MYH2: variants seen among roughly 807,000 people sequenced by gnomAD.
The protein encoded by MYH2 is myosin-2.
In MYH2, 139 loss-of-function variants were observed where a neutral mutation model predicts 228.1. That is an observed-to-expected ratio of 0.61 (90% CI 0.53 to 0.70). The LOEUF (loss-of-function observed/expected upper bound fraction) is 0.70, where lower values mean the gene tolerates loss of function less well. Ranked by LOEUF, MYH2 falls within the 30% of genes least tolerant of loss-of-function variation. MYH2 has a pLI of 0.00. For missense variants in MYH2, 1,809 were observed against 2,357.5 expected (o/e 0.77, Z 4.82); for synonymous variants, 796 against 871.1 (o/e 0.91, Z 1.52).
intron 19 of MYH2, 93 bp from the exon 20 acceptor site, chr17:10,533,725 T>TA: frequency 2.0e-6 from 3 of 1,474,328 alleles, no homozygotes; most frequent in Non-Finnish European, 2.8e-6. Context: ...AGCAGAGCTT[T>TA]AAAAAAATAT....
chr17:10,539,305 A>G lies in MYH2; in HGVS notation c.1316T>C (p.Phe439Ser). 6.2e-7 allele frequency: 1 copy of G among 1,614,234 alleles called. No homozygotes were observed. The highest frequency in any genetic ancestry group is 2.2e-5 in the East Asian group (1 of 44,886). Reference protein sequence around the residue: ...ALAKAVYEKMFLWMVARINQQ... With the variant: ...ALAKAVYEKMSLWMVARINQQ... The stretch of plus-strand genomic sequence containing the variant: ...GTTGATGCGGGCAACCATCCACAGG[A>G]ACATCTTCTCGTAGACGGCTTTGGC... Residue 439 changes from phenylalanine (F) to serine (S), a missense_variant, in exon 14 of 40, where the codon TTC becomes TCC. Phe to Ser is a radical substitution (Grantham distance 155). This residue lies in a region of MYH2 where 373 missense variants were observed against 620.4 expected (regional missense o/e 0.60). Coordinates refer to ENST00000245503, the MANE Select transcript of MYH2 (RefSeq NM_017534.6).
chr17:10,539,486 C>T lies in MYH2; in HGVS notation c.1224G>A (p.Lys408=). The stretch of plus-strand genomic sequence containing the variant: ...CTTTGGTGACATACTCATTGCCGAC[C>T]TTGACCCTGGGGTAGCAGAGAGCTT... The part of the protein sequence containing the change: ...LLKALCYPRV[K]VGNEYVTKGQ... The change falls in exon 13 of 40, where the codon AAG becomes AAA. Residue 408 remains lysine, a synonymous_variant. Coordinates refer to ENST00000245503, the MANE Select transcript of MYH2 (RefSeq NM_017534.6). 1.2e-6 allele frequency: 2 copies of T among 1,614,176 alleles called. No individual in the cohort carries two copies. The highest frequency in any genetic ancestry group is 8.5e-7 in the Non-Finnish European group (1 of 1,180,040).
At chr17:10,542,494 A>T (rs2073569326) in intron 10 of MYH2, among the ~76,000 whole-genome samples, 1 of 152,234 alleles carries the variant, frequency 6.6e-6, no homozygotes, top group African/African-American at 2.4e-5. Context: ...GTGACATGGA[A>T]AAAGCTATGA....
At chr17:10,540,472 G>C in intron 11 of MYH2, 122 bp downstream of exon 11, 1 of 841,198 alleles carries the variant, frequency 1.2e-6, no homozygotes, top group East Asian at 2.7e-5. Context: ...TGACTCCAAG[G>C]GGCATGTCCA....
At position 10,529,184 on chromosome 17, in the gene MYH2, T is replaced by C. The variant is rs1567729940; in HGVS notation, c.3332A>G (p.Gln1111Arg). 2 of 1,614,238 alleles carry C rather than the reference T, an allele frequency of 1.2e-6. No individual in the cohort carries two copies. The highest frequency in any genetic ancestry group is 1.6e-4 in the Middle Eastern group (1 of 6,062). Residue 1111 changes from glutamine to arginine, a missense_variant, in exon 26 of 40, where the codon CAG becomes CGG. By Grantham distance (43) the Gln-to-Arg change is conservative. Around this residue, in one of 9 missense-constraint regions of MYH2, gnomAD observed 636 missense variants for 729.9 expected, o/e 0.87. Transcript: ENST00000245503. ...EDEQALGIQL[Q>R]KKIKELQARI... ...TACTTGCAATTCTTTAATTTTCTTC[T>C]GCAATTGAATGCCAAGTGCCTGTTC... is the stretch of plus-strand genomic sequence containing the variant.
At chr17:10,526,558 T>C (rs1325170468) in intron 30 of MYH2, 41 bp downstream of exon 30, 1 of 1,612,702 alleles carries the variant, frequency 6.2e-7, no homozygotes, top group Non-Finnish European at 8.5e-7. Context: ...TGATTCAATA[T>C]GCAAAGTTTT....
chr17:10,523,683 T>C lies in MYH2; in HGVS notation c.5302-17A>G, dbSNP rs773587129. ...CATGGCGGCCTAAATAGCAAATAAA[T>C]CAAGAAAACCAAGAAAGTTATAGAT... On this transcript the variant is annotated splice_polypyrimidine_tract_variant and intron_variant, in intron 36 of 39. Coordinates refer to ENST00000245503, the MANE Select transcript of MYH2 (RefSeq NM_017534.6). 2 of 1,614,204 alleles carry C rather than the reference T, an allele frequency of 1.2e-6. No homozygotes were observed. The highest frequency in any genetic ancestry group is 2.2e-5 in the South Asian group (2 of 91,072).
rs148584222 is a variant in MYH2 at position 10,540,597 on chromosome 17, T to C, written c.1005A>G (p.Thr335=). ...AATTTTCTTGTGTTCTACTTACATC[T>C]GTGGCCATCAGTTCTTCCTGATCAT... The part of the protein sequence containing the change: ...SIDDQEELMA[T]DSAIDILGFT... The change falls in exon 11 of 40, where the codon ACA becomes ACG. Residue 335 remains threonine, a synonymous_variant. Transcript: ENST00000245503. The C allele has an allele frequency of 1.0e-4, 160 of 1,604,970 alleles. No homozygotes were observed. The highest frequency in any genetic ancestry group is 1.3e-4 in the Non-Finnish European group (150 of 1,171,740).
chr17:10,525,427 T>C lies in MYH2; in HGVS notation c.4537+24A>G, dbSNP rs763614025. ...GAGAGATTCTTCCAAGTTATGAATA[T>C]TATTGAATATGATAGGGACTTACGC... On this transcript the variant is annotated intron_variant, in intron 32 of 39. Coordinates refer to ENST00000245503, the MANE Select transcript of MYH2 (RefSeq NM_017534.6). This position sits in a 1 kb window ranked among gnomAD's most constrained non-coding sequence, Gnocchi z 4.2. 1 of 1,614,128 alleles carries C rather than the reference T, an allele frequency of 6.2e-7. No homozygotes were observed. The highest frequency in any genetic ancestry group is 8.5e-7 in the Non-Finnish European group (1 of 1,179,986).
In MYH2 at chr17:10,523,751, C is replaced by A. The variant is rs763033844; in HGVS notation, c.5301+8G>T. Reference sequence around the variant, plus strand: ...CTAAATCAGTGGACAAGTGTGCCTGCCACTCACATCAGTGATGGCCTTCTT... The same window carrying A: ...CTAAATCAGTGGACAAGTGTGCCTGACACTCACATCAGTGATGGCCTTCTT... On this transcript the variant is annotated splice_region_variant and intron_variant, in intron 36 of 39. Transcript: ENST00000245503. 1 of 1,614,220 alleles carries A rather than the reference C, an allele frequency of 6.2e-7. No individual in the cohort carries two copies. The highest frequency in any genetic ancestry group is 8.5e-7 in the Non-Finnish European group (1 of 1,180,038).
chr17:10,528,188 C>A (rs182200996), intron 27 of MYH2, among the ~76,000 whole-genome samples: 2 of 151,822 alleles, frequency 1.3e-5, no homozygotes, highest in East Asian at 3.9e-4. Context: ...GGACTGCAGG[C>A]GCGCGCCACC....
Position 10,547,525 on chromosome 17 carries a change from G to C in MYH2, c.298C>G (p.Pro100Ala), listed in dbSNP as rs547953227. The C allele has an allele frequency of 7.4e-6, 12 of 1,614,000 alleles. No individual in the cohort carries two copies. Among genetic ancestry groups the C allele is most frequent in the Non-Finnish European group, 1.0e-5 (12 of 1,180,010 alleles). Reference protein sequence around the residue: ...DMAMMTHLHEPAVLYNLKERY... With the variant: ...DMAMMTHLHEAAVLYNLKERY... ...TCTTTGAGGTTGTACAGCACAGCAG[G>C]CTCATGCAGATGAGTCATCATGGCC... Residue 100 changes from proline to alanine, a missense_variant, in exon 4 of 40, where the codon CCT becomes GCT. Physicochemically the swap from Pro to Ala is conservative, Grantham distance 27. Around this residue, in one of 9 missense-constraint regions of MYH2, gnomAD observed 373 missense variants for 620.4 expected, o/e 0.60. Coordinates refer to ENST00000245503, the MANE Select transcript of MYH2 (RefSeq NM_017534.6).
In MYH2 at chr17:10,525,170, A is replaced by C. The variant is rs1174250014; in HGVS notation, c.4662+54T>G. 4 of 1,613,692 alleles carry C rather than the reference A, an allele frequency of 2.5e-6. No individual in the cohort carries two copies. The highest frequency in any genetic ancestry group is 1.7e-5 in the Admixed American group (1 of 59,986). On this transcript the variant is annotated intron_variant, in intron 33 of 39. Coordinates refer to ENST00000245503, the MANE Select transcript of MYH2 (RefSeq NM_017534.6). This position sits in a 1 kb window ranked among gnomAD's most constrained non-coding sequence, Gnocchi z 4.2. ...ATGTGTCTTTTTATTCACTCTATGC[A>C]GATGTACCTAATTATTTTCCAGATT...
chr17:10,529,709 A>C lies in MYH2; in HGVS notation c.2972T>G (p.Leu991Arg). The change falls in exon 24 of 40, where the codon CTG becomes CGG. Residue 991 changes from leucine (L) to arginine (R), a missense_variant. Leu to Arg is a moderately radical substitution (Grantham distance 102). Coordinates refer to ENST00000245503, the MANE Select transcript of MYH2 (RefSeq NM_017534.6). The stretch of plus-strand genomic sequence containing the variant: ...GGTCAGCTTAGCAATGGTTTCATCC[A>C]GACCTGCCATCTCTTCTGTGAGGTT... ...VKNLTEEMAGLDETIAKLTKE... is the reference protein window; with the variant it reads ...VKNLTEEMAGRDETIAKLTKE... The C allele has an allele frequency of 6.2e-7, 1 of 1,614,044 alleles. No individual in the cohort carries two copies. Among genetic ancestry groups the C allele is most frequent in the Non-Finnish European group, 8.5e-7 (1 of 1,180,034 alleles).
intron 38 of MYH2, 28 bp downstream of exon 38, chr17:10,523,280 C>T (rs574750360): frequency 6.2e-7 from 1 of 1,612,790 alleles, no homozygotes; most frequent in Non-Finnish European, 8.5e-7. Flanking sequence ...TCGACCAGTG[C>T]TTAGCCGCTA....
At chr17:10,548,516 CA>C (rs2073662743) in intron 2 of MYH2, among the ~76,000 whole-genome samples, 1 of 152,152 alleles carries the variant, frequency 6.6e-6, no homozygotes, top group African/African-American at 2.4e-5. Context: ...TGTTGAAGTT[CA>C]GTGGCTTATT....
Position 10,524,255 on chromosome 17 carries a change from C to A in MYH2, c.5175+211G>T, listed in dbSNP as rs367999056. Reference sequence around the variant, plus strand: ...ATATTAACACAATAGAATACGGGGGCAGCCTTAGAATATTATATGAAGCAA... The same window carrying A: ...ATATTAACACAATAGAATACGGGGGAAGCCTTAGAATATTATATGAAGCAA... On this transcript the variant is annotated intron_variant, in intron 35 of 39. Transcript: ENST00000245503. This position sits in a 1 kb window ranked among gnomAD's most constrained non-coding sequence, Gnocchi z 4.7. Among the ~76,000 whole-genome samples, 1 of 152,248 alleles carries A rather than the reference C, an allele frequency of 6.6e-6. No individual in the cohort carries two copies. The highest frequency in any genetic ancestry group is 2.4e-5 in the African/African-American group (1 of 41,558).
In MYH2 at chr17:10,525,169, C is replaced by G; in HGVS notation, c.4662+55G>C. The G allele has an allele frequency of 6.2e-7, 1 of 1,613,782 alleles. No individual in the cohort carries two copies. On this transcript the variant is annotated intron_variant, in intron 33 of 39. Coordinates refer to ENST00000245503, the MANE Select transcript of MYH2 (RefSeq NM_017534.6). This position sits in a 1 kb window ranked among gnomAD's most constrained non-coding sequence, Gnocchi z 4.2. ...TATGTGTCTTTTTATTCACTCTATG[C>G]AGATGTACCTAATTATTTTCCAGAT...
chr17:10,539,869 C>T, intron 12 of MYH2, 59 bp downstream of exon 12: 1 of 1,609,822 alleles, frequency 6.2e-7, no homozygotes, highest in Non-Finnish European at 8.5e-7. Flanking sequence ...TCCTGGGTAA[C>T]AAGTTAAGAA....
Sources: allele counts gnomAD v4.1 joint callset (sites outside exome capture counted in the v4.1 genomes callset), GRCh38; gene constraint gnomAD v4.1.1; regional missense constraint gnomAD v4.1.1; non-coding constraint Gnocchi (gnomAD v3.1); transcripts MANE v1.5; gene names NCBI Gene and HGNC (gene_info 2026-07-23, HGNC 2026-07-21).